The following TRIM51G variants were observed in gnomAD, a reference collection of about 807,000 sequenced individuals.
TRIM51G encodes the protein tripartite motif-containing 51G, also known as tripartite motif-containing protein 51G.
At chr11:48,983,831 T>C in the TRIM51G span, among the ~76,000 whole-genome samples, 6 of 152,070 alleles carry the variant, frequency 3.9e-5, no homozygotes, top group East Asian at 3.9e-4. Flanking sequence ...CCCTGCACAG[T>C]TGACTTTCCA....
At chr11:48,983,627 GA>G in the TRIM51G span, among the ~76,000 whole-genome samples, 5 of 151,116 alleles carry the variant, frequency 3.3e-5, no homozygotes, top group Non-Finnish European at 4.4e-5. Context: ...GCAATAATAT[GA>G]GTTACAAATA....
chr11:48,975,853 A>C, the TRIM51G span: 2 of 1,054,524 alleles, frequency 1.9e-6, no homozygotes, highest in African/African-American at 1.6e-5. Context: ...AGATATGAAA[A>C]AATCAGCCCC....
the TRIM51G span, among the ~76,000 whole-genome samples, chr11:48,976,376 A>G: frequency 6.6e-6 from 1 of 152,114 alleles, no homozygotes. Flanking sequence ...TTTTGGCAAG[A>G]ATGGGAAGAT....
chr11:48,975,810 G>C, the TRIM51G span: 1 of 1,490,346 alleles, frequency 6.7e-7, no homozygotes, highest in East Asian at 2.3e-5. Context: ...AATTCCAAGA[G>C]TGCCCCATGT....
chr11:48,983,821 C>A, the TRIM51G span, among the ~76,000 whole-genome samples: 1 of 152,028 alleles, frequency 6.6e-6, no homozygotes, highest in African/African-American at 2.4e-5. Context: ...GGAGTTCATT[C>A]CCTGCACAGT....
At chr11:48,980,803 T>C in the TRIM51G span, 2 of 396,736 alleles carry the variant, frequency 5.0e-6, no homozygotes, top group Non-Finnish European at 5.1e-6. Flanking sequence ...CCTTGTTTGT[T>C]GATTTCCAGA....
the TRIM51G span, chr11:48,975,521 T>C: frequency 3.2e-4 from 445 of 1,394,686 alleles, 1 homozygote; most frequent in Non-Finnish European, 4.3e-4. Flanking sequence ...CAGCAAATGA[T>C]AGGCCAGAGA....
the TRIM51G span, chr11:48,981,470 T>A: frequency 1.5e-3 from 2,480 of 1,606,770 alleles, 38 homozygotes; most frequent in African/African-American, 0.029. Flanking sequence ...TTTCTGGCAA[T>A]GGAAGCCATG....
At chr11:48,979,578 C>A in the TRIM51G span, among the ~76,000 whole-genome samples, 1 of 152,052 alleles carries the variant, frequency 6.6e-6, no homozygotes, top group Non-Finnish European at 1.5e-5. Context: ...TCCAAACTCA[C>A]CCTAATCGGC....
chr11:48,978,902 C>G, the TRIM51G span: 44 of 1,557,984 alleles, frequency 2.8e-5, no homozygotes, highest in Non-Finnish European at 3.9e-5. Flanking sequence ...CTTTATGGCA[C>G]ATTTGCCTCA....
chr11:48,981,929 C>T, the TRIM51G span, among the ~76,000 whole-genome samples: 3 of 152,136 alleles, frequency 2.0e-5, no homozygotes, highest in Admixed American at 6.5e-5. Flanking sequence ...CTAGTTCCTG[C>T]CCATAACATA....
the TRIM51G span, chr11:48,981,253 T>C: frequency 6.3e-5 from 101 of 1,601,086 alleles, no homozygotes; most frequent in Non-Finnish European, 8.5e-5. Context: ...ATGTGTCCTG[T>C]ATAGAAATAG....
chr11:48,979,971 C>A, the TRIM51G span, among the ~76,000 whole-genome samples: 1 of 151,768 alleles, frequency 6.6e-6, no homozygotes, highest in East Asian at 2.0e-4. Context: ...CTATTTAAAA[C>A]TCAAACCCTC....
chr11:48,983,584 A>C, the TRIM51G span, among the ~76,000 whole-genome samples: 2 of 151,646 alleles, frequency 1.3e-5, no homozygotes, highest in Non-Finnish European at 2.9e-5. Context: ...ACAAAATGAC[A>C]ACAATTAATA....
the TRIM51G span, chr11:48,981,169 C>G: frequency 1.4e-6 from 2 of 1,476,346 alleles, no homozygotes; most frequent in Admixed American, 2.0e-5. Flanking sequence ...CAAGGAAGCT[C>G]ATAACAGACA....
At chr11:48,977,860 T>G in the TRIM51G span, among the ~76,000 whole-genome samples, 1 of 151,042 alleles carries the variant, frequency 6.6e-6, no homozygotes, top group African/African-American at 2.4e-5. Context: ...CTCACTTCCT[T>G]TATTTCTTTC....
chr11:48,976,009 AT>A, the TRIM51G span: 554 of 567,528 alleles, frequency 9.8e-4, 3 homozygotes, highest in African/African-American at 9.6e-3. Context: ...TGCAAAAATA[AT>A]TTTAAAAAAG....
the TRIM51G span, among the ~76,000 whole-genome samples, chr11:48,980,345 A>G: frequency 2.6e-5 from 4 of 152,130 alleles, no homozygotes; most frequent in Non-Finnish European, 5.9e-5. Context: ...TATTTCTCAC[A>G]TATTTATGTC....
chr11:48,975,986 G>C, the TRIM51G span: 1 of 675,544 alleles, frequency 1.5e-6, no homozygotes, highest in East Asian at 3.0e-5. Context: ...GCATGCTGCA[G>C]AGTAAGATAA....
Sources: allele counts gnomAD v4.1 joint callset (sites outside exome capture counted in the v4.1 genomes callset), GRCh38; gene constraint gnomAD v4.1.1; transcripts MANE v1.5; gene names NCBI Gene and HGNC (gene_info 2026-07-23, HGNC 2026-07-21).